MYO9A: variants seen among roughly 807,000 people sequenced by gnomAD.
MYO9A encodes the protein myosin IXA.
In MYO9A, 103 loss-of-function variants were observed where a neutral mutation model predicts 293.3. The ratio of observed to expected loss-of-function variants is 0.35; its 90% confidence interval spans 0.30 to 0.41. The LOEUF (loss-of-function observed/expected upper bound fraction) is 0.41. Among genes scored for constraint, MYO9A ranks in the 10% least tolerant of loss-of-function variants. MYO9A has a pLI of 1.00. For missense variants in MYO9A, 2,685 were observed against 3,033.0 expected (o/e 0.89, Z 2.69); for synonymous variants, 1,001 against 1,035.7 (o/e 0.97, Z 0.64).
chr15:72,079,883 TGTAA>T (rs35633781), intron 1 of MYO9A, among the ~76,000 whole-genome samples: 2,151 of 152,334 alleles, frequency 0.014, 22 homozygotes, highest in East Asian at 0.025. Flanking sequence ...GATTTTTACC[TGTAA>T]GTATTTCTGC....
chr15:71,924,950 A>T (rs2058253571), intron 18 of MYO9A, among the ~76,000 whole-genome samples: 1 of 152,028 alleles, frequency 6.6e-6, no homozygotes, highest in Admixed American at 6.6e-5. Flanking sequence ...AAAGAAAAAA[A>T]TGTGTATTCT....
chr15:71,841,029 A>G (rs113623923), intron 39 of MYO9A, among the ~76,000 whole-genome samples: 4,109 of 152,288 alleles, frequency 0.027, 128 homozygotes, highest in African/African-American at 0.07. Flanking sequence ...CAATATACAA[A>G]TGGGCATTTT....
At chr15:71,899,520 C>T (rs900093757) in intron 24 of MYO9A, among the ~76,000 whole-genome samples, 167 bp downstream of exon 24, 7 of 152,134 alleles carry the variant, frequency 4.6e-5, no homozygotes, top group Middle Eastern at 3.2e-3. Context: ...TATTTAACTT[C>T]CATTATAGAC....
At chr15:72,031,493 T>A (rs1237658412) in intron 3 of MYO9A, among the ~76,000 whole-genome samples, 2 of 151,864 alleles carry the variant, frequency 1.3e-5, no homozygotes, top group African/African-American at 4.8e-5. Context: ...TCAAAAAAAA[T>A]AAATAATAAA....
chr15:72,052,522 T>C (rs1019452578), intron 1 of MYO9A, among the ~76,000 whole-genome samples: 7 of 152,146 alleles, frequency 4.6e-5, no homozygotes, highest in African/African-American at 1.4e-4. Context: ...TTCGTCCCAT[T>C]GTAGGCAACA....
intron 1 of MYO9A, among the ~76,000 whole-genome samples, chr15:72,050,729 G>A (rs918230305): frequency 2.6e-5 from 4 of 152,144 alleles, no homozygotes; most frequent in Non-Finnish European, 5.9e-5. Flanking sequence ...TGCTGGTCCA[G>A]AAAATAGTAT....
intron 1 of MYO9A, among the ~76,000 whole-genome samples, chr15:72,087,314 T>C (rs952560034): frequency 6.6e-6 from 1 of 152,184 alleles, no homozygotes; most frequent in African/African-American, 2.4e-5. Context: ...CCTAGGGAGA[T>C]GGGCATCCCT....
At chr15:72,040,773 A>G (rs12441866) in intron 2 of MYO9A, among the ~76,000 whole-genome samples, 1,939 of 152,316 alleles carry the variant, frequency 0.013, 58 homozygotes, top group Admixed American at 0.058. Flanking sequence ...GCAGGAAACA[A>G]AAAAATAAAG....
At chr15:71,837,297 A>G (rs1450746268) in intron 39 of MYO9A, among the ~76,000 whole-genome samples, 2 of 152,100 alleles carry the variant, frequency 1.3e-5, no homozygotes, top group Admixed American at 6.5e-5. Context: ...CAATATTGCT[A>G]TTCCACTTTT....
chr15:71,883,562 G>T, intron 28 of MYO9A, 32 bp downstream of exon 28: 1 of 1,589,706 alleles, frequency 6.3e-7, no homozygotes, highest in Non-Finnish European at 8.5e-7. Flanking sequence ...CAGAAATTAT[G>T]AACACAAGTT....
Position 71,824,015 on chromosome 15 carries a change from GCTTCATCT to G in MYO9A, c.*2557_*2564del. 6.6e-6 allele frequency: 1 copy of G among 152,266 alleles called. No individual in the cohort carries two copies. Among genetic ancestry groups the G allele is most frequent in the East Asian group, 1.9e-4 (1 of 5,180 alleles). 9.4% of individuals were successfully genotyped at this position (152,266 alleles called of 1,614,324 possible). A position where few individuals can be genotyped will look rare whatever the true frequency, so the allele number is the denominator to read the frequency against. On this transcript the variant is annotated 3_prime_UTR_variant, in exon 42 of 42. Transcript: ENST00000356056. Reference sequence around the variant, plus strand: ...GTTCTGAAGGTTTTTAAGAGTTATGGCTTCATCTCTTGATCAGGCCAACAAGGCCTACT... The same window carrying G: ...GTTCTGAAGGTTTTTAAGAGTTATGGCTTGATCAGGCCAACAAGGCCTACT...
chr15:71,964,027 T>A (rs903256998), intron 13 of MYO9A, among the ~76,000 whole-genome samples: 1 of 152,218 alleles, frequency 6.6e-6, no homozygotes, highest in African/African-American at 2.4e-5. Flanking sequence ...TGTTTTTTAA[T>A]GGAATTTATC....
At chr15:72,070,686 C>T (rs1310418964) in intron 1 of MYO9A, among the ~76,000 whole-genome samples, 1 of 151,850 alleles carries the variant, frequency 6.6e-6, no homozygotes, top group African/African-American at 2.4e-5. Flanking sequence ...AAGATTCCAT[C>T]TCAAAAAAGA....
intron 1 of MYO9A, among the ~76,000 whole-genome samples, chr15:72,110,470 A>G (rs1056878593): frequency 3.3e-5 from 5 of 151,256 alleles, no homozygotes; most frequent in African/African-American, 1.2e-4. Context: ...AAAATTCCAG[A>G]GATTACTCAG....
intron 14 of MYO9A, chr15:71,959,631 A>G: frequency 3.5e-6 from 1 of 289,564 alleles, no homozygotes; most frequent in Non-Finnish European, 6.4e-6. Context: ...TCCATGAACT[A>G]AGAGTAAAGG....
chr15:72,058,771 A>G (rs2078795429), intron 1 of MYO9A, among the ~76,000 whole-genome samples: 1 of 152,190 alleles, frequency 6.6e-6, no homozygotes, highest in South Asian at 2.1e-4. Context: ...TTATGATGTT[A>G]TTCACTGGAC....
At chr15:71,966,391 G>A (rs1416169965) in intron 13 of MYO9A, among the ~76,000 whole-genome samples, 1 of 151,806 alleles carries the variant, frequency 6.6e-6, no homozygotes, top group Admixed American at 6.6e-5. Flanking sequence ...GAGGGGAGCT[G>A]GCTGGGAAGG....
At chr15:71,886,818 T>G (rs566387984) in intron 27 of MYO9A, among the ~76,000 whole-genome samples, 1 of 152,240 alleles carries the variant, frequency 6.6e-6, no homozygotes, top group Non-Finnish European at 1.5e-5. Context: ...ATATAATCTA[T>G]TATTTCCAGA....
At chr15:71,929,945 C>G (rs116855263) in intron 18 of MYO9A, among the ~76,000 whole-genome samples, 9 of 152,062 alleles carry the variant, frequency 5.9e-5, no homozygotes, top group Non-Finnish European at 1.5e-5. Context: ...TAATGCTGGC[C>G]TTATAAAATG....
Sources: allele counts gnomAD v4.1 joint callset (sites outside exome capture counted in the v4.1 genomes callset), GRCh38; gene constraint gnomAD v4.1.1; transcripts MANE v1.5; gene names NCBI Gene and HGNC (gene_info 2026-07-23, HGNC 2026-07-21).